The following PALM2AKAP2 variants were observed in gnomAD, a reference collection of about 807,000 sequenced individuals.
PALM2AKAP2 encodes PALM2 and AKAP2 fusion, also known as PALM2-AKAP2 fusion protein.
Under a neutral mutation model 71.5 loss-of-function variants are expected in PALM2AKAP2, and 37 were observed. That is an observed-to-expected ratio of 0.52 (90% confidence interval 0.40 to 0.68). The LOEUF (loss-of-function observed/expected upper bound fraction) is 0.68. Ranked by LOEUF, PALM2AKAP2 falls within the 30% of genes least tolerant of loss-of-function variation. The pLI, the probability that PALM2AKAP2 is intolerant of heterozygous loss-of-function variation, is 0.00. For synonymous variants in PALM2AKAP2, 468 were observed against 478.8 expected (o/e 0.98, Z 0.29); for missense variants, 1,224 against 1,191.8 (o/e 1.03, Z -0.40).
chr9:110,073,912 G>A (rs1013791996), intron 1 of PALM2AKAP2, among the ~76,000 whole-genome samples: 1 of 152,060 alleles, frequency 6.6e-6, no homozygotes, highest in Admixed American at 6.5e-5. Context: ...ACAGCTTCAT[G>A]TGTCTTCCCA....
At chr9:109,696,713 G>A (rs1463376536) in intron 1 of PALM2AKAP2, among the ~76,000 whole-genome samples, 2 of 152,034 alleles carry the variant, frequency 1.3e-5, no homozygotes, top group African/African-American at 4.8e-5. Flanking sequence ...CCTTCCCTGG[G>A]CCAGTGCATC....
intron 1 of PALM2AKAP2, among the ~76,000 whole-genome samples, chr9:109,863,192 A>G (rs938761609): frequency 9.9e-5 from 15 of 152,220 alleles, no homozygotes; most frequent in African/African-American, 3.6e-4. Context: ...AAGTTCTGTA[A>G]TGTGCTAAAG....
intron 3 of PALM2AKAP2, among the ~76,000 whole-genome samples, chr9:109,893,955 G>A (rs187879167): frequency 4.7e-5 from 7 of 150,048 alleles, no homozygotes; most frequent in African/African-American, 9.9e-5. Flanking sequence ...CATCCTGCAC[G>A]TGTACCCCAG....
intron 6 of PALM2AKAP2, among the ~76,000 whole-genome samples, chr9:110,003,805 A>G (rs933917283): frequency 1.3e-5 from 2 of 151,780 alleles, no homozygotes; most frequent in African/African-American, 4.8e-5. Context: ...GTCTCTTTTG[A>G]TCTTTGTTGG....
At chr9:110,143,111 C>T (rs1399994398) in intron 2 of PALM2AKAP2, among the ~76,000 whole-genome samples, 2 of 151,924 alleles carry the variant, frequency 1.3e-5, no homozygotes, top group Admixed American at 6.6e-5. Flanking sequence ...CTGCTGATGG[C>T]ACTTAGAATT....
intron 6 of PALM2AKAP2, among the ~76,000 whole-genome samples, chr9:109,981,315 A>G (rs550352056): frequency 6.6e-6 from 1 of 152,340 alleles, no homozygotes; most frequent in Non-Finnish European, 1.5e-5. Flanking sequence ...GGTTTTACTG[A>G]TGTGTGCAGG....
At chr9:109,985,396 G>A (rs1832353608) in intron 6 of PALM2AKAP2, among the ~76,000 whole-genome samples, 1 of 151,670 alleles carries the variant, frequency 6.6e-6, no homozygotes, top group East Asian at 2.0e-4. Flanking sequence ...GAGGTGGGCC[G>A]ATCGCGAGGT....
At chr9:109,754,872 G>A (rs952053157) in intron 1 of PALM2AKAP2, among the ~76,000 whole-genome samples, 1 of 152,044 alleles carries the variant, frequency 6.6e-6, no homozygotes, top group African/African-American at 2.4e-5. Flanking sequence ...ACGAATGTTG[G>A]GGAACACAAC....
At chr9:109,669,261 T>G (rs1014734311) in intron 1 of PALM2AKAP2, among the ~76,000 whole-genome samples, 2 of 138,998 alleles carry the variant, frequency 1.4e-5, no homozygotes, top group Non-Finnish European at 3.0e-5. Flanking sequence ...GTTTTTTTTG[T>G]TTTTCCTTTT....
At chr9:109,889,875 C>T (rs1010628704) in intron 3 of PALM2AKAP2, among the ~76,000 whole-genome samples, 4 of 152,176 alleles carry the variant, frequency 2.6e-5, no homozygotes, top group Non-Finnish European at 1.5e-5. Context: ...TTGGGAAATA[C>T]ATGCATTTCC....
intron 1 of PALM2AKAP2, among the ~76,000 whole-genome samples, chr9:109,807,756 C>T (rs1373931191): frequency 7.2e-5 from 11 of 152,076 alleles, no homozygotes; most frequent in Admixed American, 2.0e-4. Context: ...AGCTATGTCC[C>T]GACCCAAATC....
At chr9:109,748,824 A>G (rs1465537176) in intron 1 of PALM2AKAP2, among the ~76,000 whole-genome samples, 1 of 152,126 alleles carries the variant, frequency 6.6e-6, no homozygotes, top group Non-Finnish European at 1.5e-5. Context: ...GTTTCTTCTG[A>G]GGCCTCTCTC....
intron 1 of PALM2AKAP2, among the ~76,000 whole-genome samples, chr9:110,131,696 C>A (rs377179905): frequency 6.6e-6 from 1 of 152,168 alleles, no homozygotes; most frequent in Non-Finnish European, 1.5e-5. Context: ...CTCAGGAATT[C>A]GCTCTTTTGT....
At chr9:109,767,475 AG>A (rs1319463476) in intron 1 of PALM2AKAP2, among the ~76,000 whole-genome samples, 2 of 152,218 alleles carry the variant, frequency 1.3e-5, no homozygotes, top group African/African-American at 4.8e-5. Flanking sequence ...TGAATCCTGC[AG>A]GATCTTGCTG....
intron 1 of PALM2AKAP2, among the ~76,000 whole-genome samples, chr9:109,655,414 C>CTA (rs1827288643): frequency 6.6e-6 from 1 of 151,886 alleles, no homozygotes; most frequent in Non-Finnish European, 1.5e-5. Context: ...CTCTTTCTCT[C>CTA]TATATATATG....
chr9:110,168,599 C>T, exon 4 of PALM2AKAP2: 5 of 1,342,968 alleles, frequency 3.7e-6, no homozygotes, highest in South Asian at 1.4e-5. Flanking sequence ...AAAGTGCAAA[C>T]AAACTCAGCA....
intron 3 of PALM2AKAP2, among the ~76,000 whole-genome samples, chr9:109,906,221 T>C (rs1372180042): frequency 6.6e-6 from 1 of 152,108 alleles, no homozygotes; most frequent in Non-Finnish European, 1.5e-5. Context: ...GTAGGGGGGA[T>C]GGAATCTTGC....
chr9:109,671,364 C>T (rs761697313), intron 1 of PALM2AKAP2, among the ~76,000 whole-genome samples: 1 of 152,094 alleles, frequency 6.6e-6, no homozygotes, highest in Non-Finnish European at 1.5e-5. Flanking sequence ...ATAGAGATTT[C>T]TTTCCTTATT....
At chr9:109,664,718 G>A (rs1343326899) in intron 1 of PALM2AKAP2, among the ~76,000 whole-genome samples, 1 of 152,196 alleles carries the variant, frequency 6.6e-6, no homozygotes, top group Non-Finnish European at 1.5e-5. Context: ...TGTATTTCCT[G>A]AATTTGAGTG....
Sources: gnomAD v4.1 joint callset for allele counts (sites outside exome capture counted in the v4.1 genomes callset) on GRCh38, gnomAD v4.1.1 for gene constraint, MANE v1.5 for transcripts, NCBI Gene and HGNC (gene_info 2026-07-23, HGNC 2026-07-21) for gene names.